ASB15: variants seen among roughly 807,000 people sequenced by gnomAD.
ASB15 encodes the protein ankyrin repeat and SOCS box protein 15.
In ASB15, 54 loss-of-function variants were observed where a neutral mutation model predicts 58.0. That is an observed-to-expected ratio of 0.93 (90% confidence interval 0.75 to 1.17). ASB15 has a LOEUF of 1.17. Ranked by LOEUF, ASB15 falls within the 50% of genes most tolerant of loss-of-function variation. The pLI is 0.00. For missense variants in ASB15, 680 were observed against 707.4 expected (o/e 0.96, Z 0.44); for synonymous variants, 249 against 262.4 (o/e 0.95, Z 0.50).
intron 7 of ASB15, among the ~76,000 whole-genome samples, chr7:123,623,916 AAGG>A (rs2116604445): frequency 8.2e-5 from 9 of 110,266 alleles, no homozygotes; most frequent in Admixed American, 6.9e-4. Flanking sequence ...GGAAGGAAGG[AAGG>A]AAGAAAGAAA....
At chr7:123,617,832 G>T in intron 7 of ASB15, 95 bp downstream of exon 7, 1 of 1,249,640 alleles carries the variant, frequency 8.0e-7, no homozygotes, top group East Asian at 2.5e-5. Context: ...TGTGATCTCA[G>T]TTCCTTCCAT....
At chr7:123,613,910 G>A (rs1562928072) in intron 3 of ASB15, among the ~76,000 whole-genome samples, 1 of 152,112 alleles carries the variant, frequency 6.6e-6, no homozygotes, top group Admixed American at 6.6e-5. Flanking sequence ...GCCAGACATG[G>A]TGGTGTGCAC....
rs1225685920 is a variant in ASB15 at position 123,624,672 on chromosome 7, C to T, written c.555C>T (p.Ala185=). ...VKRWSAMHEA[A]KQGRKDIVAL... is the part of the protein sequence containing the mutation. The stretch of plus-strand genomic sequence containing the variant: ...GATGGTCAGCAATGCATGAAGCAGC[C>T]AAGCAAGGCCGAAAAGATATCGTAG... The change falls in exon 8 of 12, where the codon GCC becomes GCT. Residue 185 remains alanine (A), a synonymous_variant. Coordinates refer to ENST00000451215, the MANE Select transcript of ASB15 (RefSeq NM_001290258.2). 1.2e-6 allele frequency: 2 copies of T among 1,614,146 alleles called. No homozygotes were observed. The highest frequency in any genetic ancestry group is 2.2e-5 in the South Asian group (2 of 91,076).
At chr7:123,618,307 CTGTT>C (rs56273628) in intron 7 of ASB15, among the ~76,000 whole-genome samples, 32,776 of 151,952 alleles carry the variant, frequency 0.22, 3,966 homozygotes, top group East Asian at 0.27. Context: ...ATTGGCAAGT[CTGTT>C]TGTGAAAGCA....
intron 1 of ASB15, among the ~76,000 whole-genome samples, chr7:123,575,816 CT>C (rs71531935): frequency 5.9e-4 from 81 of 136,792 alleles, no homozygotes; most frequent in Non-Finnish European, 6.9e-4. Context: ...ATGAAGTTTT[CT>C]TTTTTTTTTT....
intron 1 of ASB15, among the ~76,000 whole-genome samples, chr7:123,588,137 T>A (rs1303133386): frequency 6.6e-6 from 1 of 151,778 alleles, no homozygotes; most frequent in Non-Finnish European, 1.5e-5. Context: ...TTTGAAAAAA[T>A]TCAAAAGTGA....
chr7:123,609,387 C>T (rs1800319108), intron 3 of ASB15, among the ~76,000 whole-genome samples: 1 of 152,058 alleles, frequency 6.6e-6, no homozygotes, highest in African/African-American at 2.4e-5. Context: ...TTAAAAGGGA[C>T]ACTGGAAGAT....
At position 123,623,965 on chromosome 7, in the gene ASB15, AAG is replaced by A. The variant is rs1489807942; in HGVS notation, c.452-602_452-601del. Among the ~76,000 whole-genome samples, 3 of 148,564 alleles carry A rather than the reference AAG, an allele frequency of 2.0e-5. 1 individual carries two copies. Among genetic ancestry groups the A allele is most frequent in the Admixed American group, 2.0e-4 (3 of 14,942 alleles). The stretch of plus-strand genomic sequence containing the variant: ...AAAGAAAGAAAGAAAGAAAGAAAGA[AAG>A]AAAGAAAGAAAGAAAGAAAGAAAGA... On this transcript the variant is annotated intron_variant, in intron 7 of 11. Transcript: ENST00000451215.
chr7:123,581,298 G>A (rs1252645525), intron 1 of ASB15, among the ~76,000 whole-genome samples: 1 of 151,002 alleles, frequency 6.6e-6, no homozygotes, highest in Admixed American at 6.6e-5. Context: ...AATTCAAAAC[G>A]AGTCTATCAT....
At chr7:123,605,025 T>A (rs1800076092) in intron 2 of ASB15, among the ~76,000 whole-genome samples, 1 of 152,046 alleles carries the variant, frequency 6.6e-6, no homozygotes, top group South Asian at 2.1e-4. Context: ...GGCCTGTACA[T>A]GATTTCAAAA....
rs1801659987 is a variant in ASB15 at position 123,624,795 on chromosome 7, A to G, written c.678A>G (p.Leu226=). The G allele has an allele frequency of 6.2e-7, 1 of 1,613,958 alleles. No homozygotes were observed. The highest frequency in any genetic ancestry group is 1.3e-5 in the African/African-American group (1 of 74,944). The change falls in exon 8 of 12, where the codon TTA becomes TTG. Residue 226 remains leucine, a synonymous_variant. Coordinates refer to ENST00000451215, the MANE Select transcript of ASB15 (RefSeq NM_001290258.2). ...CCGAGTATGGTCACTGTGACGTGTT[A>G]GAACATCTAATCCACAAAGGTATGT... The part of the protein sequence containing the change: ...VAAEYGHCDV[L]EHLIHKGGDV...
intron 9 of ASB15, among the ~76,000 whole-genome samples, chr7:123,628,622 A>G (rs2116644784): frequency 1.3e-5 from 2 of 152,324 alleles, no homozygotes; most frequent in African/African-American, 4.8e-5. Context: ...CTAGGAAAAA[A>G]CATATAAGAT....
Position 123,614,565 on chromosome 7 carries a change from T to G in ASB15, c.63T>G (p.Ile21Met). The G allele has an allele frequency of 6.2e-7, 1 of 1,611,886 alleles. No homozygotes were observed. Among genetic ancestry groups the G allele is most frequent in the Non-Finnish European group, 8.5e-7 (1 of 1,178,210 alleles). ...HLTSYDIQLSIQESIEASKTA... is the reference protein window; with the variant it reads ...HLTSYDIQLSMQESIEASKTA... The stretch of plus-strand genomic sequence containing the variant: ...CAAGTTATGATATTCAGCTAAGTAT[T>G]CAAGAATCCATTGAAGCCAGCAAGA... Residue 21 changes from isoleucine (I) to methionine (M), a missense_variant, in exon 4 of 12, where the codon ATT (isoleucine) becomes ATG (methionine). Coordinates refer to ENST00000451215, the MANE Select transcript of ASB15 (RefSeq NM_001290258.2).
chr7:123,606,107 C>A (rs569811832), intron 2 of ASB15, among the ~76,000 whole-genome samples: 2 of 152,278 alleles, frequency 1.3e-5, no homozygotes, highest in African/African-American at 4.8e-5. Flanking sequence ...ATTGCACAAA[C>A]CAAAAGTAGC....
At chr7:123,617,858 C>A in intron 7 of ASB15, 121 bp downstream of exon 7, 1 of 986,146 alleles carries the variant, frequency 1.0e-6, no homozygotes. Context: ...GAGCTACTTG[C>A]CTAACCCCCA....
upstream of ASB15, among the ~76,000 whole-genome samples, chr7:123,598,389 G>T (rs995471931): frequency 1.3e-5 from 2 of 152,032 alleles, no homozygotes; most frequent in Non-Finnish European, 2.9e-5. Context: ...CACAAAAACT[G>T]GCAGAACTTA....
Position 123,628,850 on chromosome 7 carries a change from CT to C in ASB15, c.870-8del, listed in dbSNP as rs1205548777. 6.8e-7 allele frequency: 1 copy of C among 1,471,226 alleles called. No homozygotes were observed. Among genetic ancestry groups the C allele is most frequent in the African/African-American group, 1.4e-5 (1 of 70,450 alleles). The allele number at this position is 1,471,226 out of a possible 1,614,324, so 91.1% of individuals were successfully genotyped here. On this transcript the variant is annotated splice_polypyrimidine_tract_variant and intron_variant, in intron 9 of 11. Coordinates refer to ENST00000451215, the MANE Select transcript of ASB15 (RefSeq NM_001290258.2). ...TTCTTTATGGCAAGTAGATATTTGA[CT>C]TTTTTCTTTTAGTGCACTGAAATAT...
At chr7:123,627,754 T>A (rs1178889998) in intron 9 of ASB15, among the ~76,000 whole-genome samples, 3 of 152,254 alleles carry the variant, frequency 2.0e-5, no homozygotes, top group Non-Finnish European at 4.4e-5. Context: ...AAGTTTATAA[T>A]TTTTTATTCC....
intron 8 of ASB15, among the ~76,000 whole-genome samples, chr7:123,626,747 T>G (rs1801816120): frequency 1.3e-5 from 2 of 152,148 alleles, no homozygotes; most frequent in African/African-American, 4.8e-5. Flanking sequence ...TGTTTGTTTC[T>G]TTGTTTTTGA....
Sources: gnomAD v4.1 joint callset for allele counts (sites outside exome capture counted in the v4.1 genomes callset) on GRCh38, gnomAD v4.1.1 for gene constraint, MANE v1.5 for transcripts, NCBI Gene and HGNC (gene_info 2026-07-23, HGNC 2026-07-21) for gene names.